The following FLG2 variants were observed in gnomAD, a reference collection of about 807,000 sequenced individuals.
The protein encoded by FLG2 is filaggrin-2.
FLG2 carries 7 observed loss-of-function variants against 3.9 expected under a neutral mutation model. That is an observed-to-expected ratio of 1.79 (90% CI 1.02 to 3.36). The LOEUF (loss-of-function observed/expected upper bound fraction) is 3.36. Among genes scored for constraint, FLG2 ranks in the 30% most tolerant of loss-of-function variants. The pLI is 0.00. For missense variants in FLG2, 2,700 were observed against 2,809.4 expected, an observed-to-expected ratio of 0.96 and a Z score of 0.88; for synonymous variants, 1,031 against 1,056.1, an observed-to-expected ratio of 0.98 and a Z score of 0.46.
At position 152,353,662 on chromosome 1, in the gene FLG2, G is replaced by A. The variant is rs1437532539; in HGVS notation, c.4124C>T (p.Ser1375Phe). Reference protein sequence around the residue: ...SQEQTHSQAGSQHGESESTVH... With the variant: ...SQEQTHSQAGFQHGESESTVH... ...TGTGGATTCTGACTCTCCATGTTGA[G>A]ATCCAGCTTGGCTGTGAGTTTGTTC... The change falls in exon 3 of 3, where the codon TCT becomes TTT. Residue 1375 changes from serine to phenylalanine, a missense_variant. By Grantham distance (155) the Ser-to-Phe change is radical (BLOSUM62 -2). Transcript: ENST00000388718. 1.9e-6 allele frequency: 3 copies of A among 1,614,052 alleles called. No individual in the cohort carries two copies. Among genetic ancestry groups the A allele is most frequent in the East Asian group, 4.5e-5 (2 of 44,848 alleles).
Position 152,357,525 on chromosome 1 carries a change from C to T in FLG2, c.261G>A (p.Lys87=). 6 of 1,614,042 alleles carry T rather than the reference C, an allele frequency of 3.7e-6. No homozygotes were observed. Among genetic ancestry groups the T allele is most frequent in the Non-Finnish European group, 5.1e-6 (6 of 1,180,028 alleles). ...CTTTGCAGTATTCTTTGCTGAGGAC[C>T]TTGTTGCAGGCCATAGTCAGCTTGA... is the stretch of plus-strand genomic sequence containing the variant. ...MIFKLTMACN[K]VLSKEYCKAS... The change falls in exon 3 of 3, where the codon AAG becomes AAA. Residue 87 remains lysine, a synonymous_variant. Coordinates refer to ENST00000388718, the MANE Select transcript of FLG2 (RefSeq NM_001014342.3).
rs1654110919 is a variant in FLG2, at chr1:152,354,440, C to G, written c.3346G>C (p.Gly1116Arg). The G allele has an allele frequency of 6.2e-7, 1 of 1,614,036 alleles. No homozygotes were observed. The highest frequency in any genetic ancestry group is 1.3e-5 in the African/African-American group (1 of 74,924). The change falls in exon 3 of 3, where the codon GGC (glycine) becomes CGC (arginine). Residue 1116 changes from glycine (G) to arginine (R), a missense_variant. Gly to Arg is a moderately radical substitution (Grantham distance 125, BLOSUM62 -2). Coordinates refer to ENST00000388718, the MANE Select transcript of FLG2 (RefSeq NM_001014342.3). ...RPGSGQSSGFGQYGSGSGQSS... is the reference protein window; with the variant it reads ...RPGSGQSSGFRQYGSGSGQSS... The stretch of plus-strand genomic sequence containing the variant: ...TGACCTGAGCCCGATCCATATTGGC[C>G]AAAGCCAGAGGACTGACCTGAGCCT...
Position 152,350,777 on chromosome 1 carries a change from T to C in FLG2, c.7009A>G (p.Arg2337Gly). The C allele has an allele frequency of 6.2e-7, 1 of 1,614,218 alleles. No homozygotes were observed. Among genetic ancestry groups the C allele is most frequent in the Non-Finnish European group, 8.5e-7 (1 of 1,180,042 alleles). The change falls in exon 3 of 3, where the codon AGG becomes GGG. Residue 2337 changes from arginine to glycine, a missense_variant. By Grantham distance (125) the Arg-to-Gly change is moderately radical. Coordinates refer to ENST00000388718, the MANE Select transcript of FLG2 (RefSeq NM_001014342.3). ...HFQSHSSERQ[R>G]HGSSQVWKHG... ...TTCCAAACCTGACTTGATCCATGCC[T>C]TTGCCTTTCACTACTATGTGACTGA... is the stretch of plus-strand genomic sequence containing the variant.
chr1:152,355,723 G>T lies in FLG2; in HGVS notation c.2063C>A (p.Ser688Ter). The T allele has an allele frequency of 6.2e-7, 1 of 1,613,740 alleles. No homozygotes were observed. The highest frequency in any genetic ancestry group is 2.2e-5 in the East Asian group (1 of 44,850). Reference sequence around the variant, plus strand: ...ATGTTGGCCATAGCTAGAATGACCTGATCTAGACTCATGTTGTCCAAAACC... The same window carrying T: ...ATGTTGGCCATAGCTAGAATGACCTTATCTAGACTCATGTTGTCCAAAACC... ...SSGFGQHESR[S>*]GHSSYGQHGF... The change falls in exon 3 of 3, where the codon TCA becomes TAA. Residue 688 changes from serine (S) to a stop codon, truncating the protein, a stop_gained. Coordinates refer to ENST00000388718, the MANE Select transcript of FLG2 (RefSeq NM_001014342.3). LOFTEE classifies it low-confidence loss of function (END_TRUNC).
chr1:152,356,785 T>A lies in FLG2; in HGVS notation c.1001A>T (p.Gln334Leu). ...GQGHGCVSGG[Q>L]PSGCGQPESN... ...CTCAGGTTGACCACATCCAGAGGGC[T>A]GACCTCCTGAGACACAGCCATGGCC... Residue 334 changes from glutamine to leucine, a missense_variant, in exon 3 of 3, where the codon CAG becomes CTG. By Grantham distance (113) the Gln-to-Leu change is moderately radical. Transcript: ENST00000388718. 6.2e-7 allele frequency: 1 copy of A among 1,614,082 alleles called. No homozygotes were observed. Among genetic ancestry groups the A allele is most frequent in the African/African-American group, 1.3e-5 (1 of 75,056 alleles).
Position 152,352,269 on chromosome 1 carries a change from T to C in FLG2, c.5517A>G (p.Ile1839Met). The change falls in exon 3 of 3, where the codon ATA (isoleucine) becomes ATG (methionine). Residue 1839 changes from isoleucine to methionine, a missense_variant. By Grantham distance (10) the Ile-to-Met change is conservative. Coordinates refer to ENST00000388718, the MANE Select transcript of FLG2 (RefSeq NM_001014342.3). ...AGSQHGESES[I>M]VDERHGTTHG... is the part of the protein sequence containing the mutation. ...GAGTAGTTCCATGTCTCTCGTCAAC[T>C]ATGGATTCTGACTCTCCATGTTGAG... 1 of 1,613,920 alleles carries C rather than the reference T, an allele frequency of 6.2e-7. No individual in the cohort carries two copies. Among genetic ancestry groups the C allele is most frequent in the South Asian group, 1.1e-5 (1 of 91,064 alleles).
Position 152,358,783 on chromosome 1 carries a change from CT to C in FLG2, c.101del (p.Lys34ArgfsTer12), listed in dbSNP as rs1654344727. 2 of 1,613,748 alleles carry C rather than the reference CT, an allele frequency of 1.2e-6. No individual in the cohort carries two copies. Among genetic ancestry groups the C allele is most frequent in the Non-Finnish European group, 1.7e-6 (2 of 1,179,854 alleles). Reference sequence around the variant, plus strand: ...GATGAAGCTCTTTCTCCAGAAGTTCCTTTAGTTCACCCTTGCTCAGTGTGCC... The same window carrying C: ...GATGAAGCTCTTTCTCCAGAAGTTCCTTAGTTCACCCTTGCTCAGTGTGCC... Reference protein sequence around the residue: ...ECGTLSKGELKELLEKELHPV... With the variant: ...ECGTLSKGELXELLEKELHPV... On this transcript the variant is annotated frameshift_variant, in exon 2 of 3. Transcript: ENST00000388718. LOFTEE classifies it low-confidence loss of function (END_TRUNC).
Position 152,353,895 on chromosome 1 carries a change from T to C in FLG2, c.3891A>G (p.Gly1297=), listed in dbSNP as rs770547343. ...TGGATCCTGACTTTGGGTAGTGAGA[T>C]CCAGCTTGTGTGTGAATGTGTTCTG... is the stretch of plus-strand genomic sequence containing the variant. The part of the protein sequence containing the change: ...RHSEHIHTQA[G]SHYPKSGSTV... Residue 1297 remains glycine, a synonymous_variant, in exon 3 of 3, where the codon GGA becomes GGG. Coordinates refer to ENST00000388718, the MANE Select transcript of FLG2 (RefSeq NM_001014342.3). The C allele has an allele frequency of 6.2e-7, 1 of 1,614,170 alleles. No homozygotes were observed. The highest frequency in any genetic ancestry group is 2.2e-5 in the East Asian group (1 of 44,888).
Position 152,352,897 on chromosome 1 carries a change from T to A in FLG2, c.4889A>T (p.His1630Leu), listed in dbSNP as rs778979548. The A allele has an allele frequency of 3.7e-5, 60 of 1,613,650 alleles. No homozygotes were observed. The East Asian group carries it at 9.6e-4, about 26-fold the overall frequency. ...THGQIGDTTG[H>L]SHSGHGQSTQ... Reference sequence around the variant, plus strand: ...GGACTGTCCATGACCAGAGTGGGAATGTCCAGTGGTATCTCCTATCTGTCC... The same window carrying A: ...GGACTGTCCATGACCAGAGTGGGAAAGTCCAGTGGTATCTCCTATCTGTCC... The change falls in exon 3 of 3, where the codon CAT becomes CTT. Residue 1630 changes from histidine to leucine, a missense_variant. Transcript: ENST00000388718.
Position 152,356,440 on chromosome 1 carries a change from G to A in FLG2, c.1346C>T (p.Ser449Leu), listed in dbSNP as rs779755236. The A allele has an allele frequency of 1.9e-6, 3 of 1,614,222 alleles. No homozygotes were observed. Among genetic ancestry groups the A allele is most frequent in the East Asian group, 2.2e-5 (1 of 44,884 alleles). Residue 449 changes from serine (S) to leucine (L), a missense_variant, in exon 3 of 3, where the codon TCA becomes TTA. Transcript: ENST00000388718. ...SSGFEQHVCG[S>L]GQTCGQHEST... ...CTCATGCTGGCCACAAGTTTGACCT[G>A]AGCCACATACATGTTGTTCGAACCC...
rs376841916 is a variant in FLG2, at chr1:152,357,335, C to A, written c.451G>T (p.Val151Leu). The change falls in exon 3 of 3, where the codon GTG (valine) becomes TTG (leucine). Residue 151 changes from valine (V) to leucine (L), a missense_variant. Val to Leu is a conservative substitution (Grantham distance 32, BLOSUM62 1). Transcript: ENST00000388718. ...GAGTTGGACCCATGTCTACATTTCA[C>A]AGTTCCCCTTGAGTGCCCAGAACTA... is the stretch of plus-strand genomic sequence containing the variant. ...GYSSGHSRGT[V>L]KCRHGSNSRR... The A allele has an allele frequency of 6.2e-7, 1 of 1,614,208 alleles. No homozygotes were observed. The highest frequency in any genetic ancestry group is 2.2e-5 in the East Asian group (1 of 44,880).
rs1654151568 is a variant in FLG2 at position 152,355,084 on chromosome 1, C to G, written c.2702G>C (p.Gly901Ala). ...ACCAGAGTATTGTCCTGAGCCAGTC[C>G]CATGTTGTCCAAAGCCACTGGACTG... ...SGQSSGFGQHGTGSGQYSGFG... is the reference protein window; with the variant it reads ...SGQSSGFGQHATGSGQYSGFG... The change falls in exon 3 of 3, where the codon GGG (glycine) becomes GCG (alanine). Residue 901 changes from glycine (G) to alanine (A), a missense_variant. Gly to Ala is a moderately conservative substitution (Grantham distance 60). Coordinates refer to ENST00000388718, the MANE Select transcript of FLG2 (RefSeq NM_001014342.3). 6.5e-7 allele frequency: 1 copy of G among 1,544,016 alleles called. No homozygotes were observed. Among genetic ancestry groups the G allele is most frequent in the African/African-American group, 1.4e-5 (1 of 71,514 alleles).
rs181190907 is a variant in FLG2, at chr1:152,350,020, C to T, written c.*590G>A. 6.4e-6 allele frequency: 1 copy of T among 157,024 alleles called. No individual in the cohort carries two copies. The highest frequency in any genetic ancestry group is 6.0e-5 in the Admixed American group (1 of 16,612). The allele number at this position is 157,024 out of a possible 1,614,324, so 9.7% of individuals were successfully genotyped here. On this transcript the variant is annotated 3_prime_UTR_variant, in exon 3 of 3. Coordinates refer to ENST00000388718, the MANE Select transcript of FLG2 (RefSeq NM_001014342.3). ...ATAACTATCATTTGATTGGCCATGG[C>T]TGTATACTTGTCTTTCATTGGTACT...
intron 1 of FLG2, 114 bp from the exon 2 acceptor site, chr1:152,359,020 A>C: frequency 1.0e-6 from 1 of 977,762 alleles, no homozygotes; most frequent in East Asian, 2.7e-5. Context: ...TTAAATCTCA[A>C]AACGTAAGAA....
In FLG2 at chr1:152,351,759, G is replaced by A. The variant is rs777318493; in HGVS notation, c.6027C>T (p.His2009=). 4 of 1,609,436 alleles carry A rather than the reference G, an allele frequency of 2.5e-6. No homozygotes were observed. Among genetic ancestry groups the A allele is most frequent in the Middle Eastern group, 3.3e-4 (2 of 6,058 alleles). Residue 2009 remains histidine, a synonymous_variant, in exon 3 of 3, where the codon CAC becomes CAT. Transcript: ENST00000388718. ...GQTADTTRHG[H]SGHGQSTQRG... ...TCTGTGTGGACTGTCCATGACCAGA[G>A]TGGCCATGTCTAGTGGTATCTGCTG...
rs150581091 is a variant in FLG2 at position 152,351,075 on chromosome 1, A to C, written c.6711T>G (p.Tyr2237Ter). The change falls in exon 3 of 3, where the codon TAT becomes TAG. Residue 2237 changes from tyrosine (Y) to a stop codon, truncating the protein, a stop_gained. Coordinates refer to ENST00000388718, the MANE Select transcript of FLG2 (RefSeq NM_001014342.3). LOFTEE classifies it low-confidence loss of function (END_TRUNC). ...GDTTRHAHYG[Y>*]GQSTQRGSRT... is the part of the protein sequence containing the mutation. Reference sequence around the variant, plus strand: ...TGGACCCTCTCTGTGTGGATTGTCCATAACCATAGTGGGCATGTCTAGTGG... The same window carrying C: ...TGGACCCTCTCTGTGTGGATTGTCCCTAACCATAGTGGGCATGTCTAGTGG... 13 of 1,613,312 alleles carry C rather than the reference A, an allele frequency of 8.1e-6. No individual in the cohort carries two copies. The Admixed American group carries it at 1.0e-4, about 12-fold the overall frequency.
At position 152,352,798 on chromosome 1, in the gene FLG2, G is replaced by A; in HGVS notation, c.4988C>T (p.Ser1663Leu). 1 of 1,613,920 alleles carries A rather than the reference G, an allele frequency of 6.2e-7. No homozygotes were observed. The highest frequency in any genetic ancestry group is 1.1e-5 in the South Asian group (1 of 91,058). Residue 1663 changes from serine to leucine, a missense_variant, in exon 3 of 3, where the codon TCA becomes TTA. Ser to Leu is a moderately radical substitution (Grantham distance 145, BLOSUM62 -2). Coordinates refer to ENST00000388718, the MANE Select transcript of FLG2 (RefSeq NM_001014342.3). ...TCCTGTATGTGTGTGTGAGACCCCT[G>A]AGTGCACTTCACTGTCACTGGACTC... ...HSESSDSEVH[S>L]GVSHTHTGHT...
In FLG2 at chr1:152,354,030, A is replaced by T; in HGVS notation, c.3756T>A (p.Ser1252=). The change falls in exon 3 of 3, where the codon TCT becomes TCA. Residue 1252 remains serine, a synonymous_variant. Transcript: ENST00000388718. ...QTINTTRHSQ[S]GQGQSTQTGS... ...CTGTCTGTGTGGATTGTCCTTGACCAGACTGGCTATGTCTAGTGGTATTTA... is the reference window on the plus strand; with the variant it reads ...CTGTCTGTGTGGATTGTCCTTGACCTGACTGGCTATGTCTAGTGGTATTTA... 1.2e-6 allele frequency: 2 copies of T among 1,614,208 alleles called. No individual in the cohort carries two copies. Among genetic ancestry groups the T allele is most frequent in the Non-Finnish European group, 1.7e-6 (2 of 1,180,028 alleles).
chr1:152,356,573 A>G lies in FLG2; in HGVS notation c.1213T>C (p.Ser405Pro), dbSNP rs1654243533. 4.3e-6 allele frequency: 7 copies of G among 1,614,076 alleles called. No homozygotes were observed. Among genetic ancestry groups the G allele is most frequent in the Non-Finnish European group, 5.9e-6 (7 of 1,180,020 alleles). ...AATTCATTTGAACTAGAAGAGTTTGAAAAGCGGCCACAGGAACCATATTCA... is the reference window on the plus strand; with the variant it reads ...AATTCATTTGAACTAGAAGAGTTTGGAAAGCGGCCACAGGAACCATATTCA... ...QHEYGSCGRFSNSSSSNEFSK... is the reference protein window; with the variant it reads ...QHEYGSCGRFPNSSSSNEFSK... The change falls in exon 3 of 3, where the codon TCA becomes CCA. Residue 405 changes from serine to proline, a missense_variant. By Grantham distance (74) the Ser-to-Pro change is moderately conservative (BLOSUM62 -1). Coordinates refer to ENST00000388718, the MANE Select transcript of FLG2 (RefSeq NM_001014342.3).
Sources: allele counts gnomAD v4.1 joint callset, GRCh38; gene constraint gnomAD v4.1.1; transcripts MANE v1.5; gene names NCBI Gene and HGNC (gene_info 2026-07-23, HGNC 2026-07-21).